DLC1: variants seen among roughly 807,000 people sequenced by gnomAD.
DLC1 encodes rho GTPase-activating protein 7.
A neutral mutation model predicts 140.3 loss-of-function variants in DLC1; 54 were observed. The ratio of observed to expected loss-of-function variants is 0.38; its 90% confidence interval spans 0.31 to 0.48. The LOEUF (loss-of-function observed/expected upper bound fraction) is 0.48. Ranked by LOEUF, DLC1 falls within the 20% of genes least tolerant of loss-of-function variation. The pLI is 0.96. For missense variants in DLC1, 2,536 were observed against 1,907.0 expected (o/e 1.33, Z -6.14); for synonymous variants, 986 against 728.1 (o/e 1.35, Z -5.70).
chr8:13,477,580 A>C (rs1800491431), intron 2 of DLC1, among the ~76,000 whole-genome samples: 1 of 152,250 alleles, frequency 6.6e-6, no homozygotes, highest in South Asian at 2.1e-4. Context: ...AATGGAAATA[A>C]TCTGGTGATG....
intron 2 of DLC1, among the ~76,000 whole-genome samples, chr8:13,433,858 G>A (rs1325938367): frequency 6.6e-6 from 1 of 152,086 alleles, no homozygotes; most frequent in Non-Finnish European, 1.5e-5. Context: ...GTTTTGGTTT[G>A]GTTTTGTTTT....
In DLC1 at chr8:13,197,410, G is replaced by A. The variant is rs370911501; in HGVS notation, c.1349-81753C>T. 7.9e-5 allele frequency among the ~76,000 whole-genome samples: 12 copies of A among 151,754 alleles called. No homozygotes were observed. In the South Asian group the frequency reaches 1.7e-3, roughly 21 times the overall value. ...GTCGCCCAGGCTGGAGTGCAGTGGC[G>A]TGATCTCGGCTCACTGCAAACTCCA... On this transcript the variant is annotated intron_variant, in intron 5 of 17. Transcript: ENST00000276297.
At chr8:13,434,266 A>G (rs1396973389) in intron 2 of DLC1, among the ~76,000 whole-genome samples, 1 of 152,206 alleles carries the variant, frequency 6.6e-6, no homozygotes, top group South Asian at 2.1e-4. Context: ...CTAACAATAG[A>G]GGTGAGATGG....
intron 1 of DLC1, chr8:13,567,208 C>A (rs754815517): frequency 6.4e-6 from 10 of 1,551,504 alleles, no homozygotes; most frequent in Non-Finnish European, 8.7e-6. Flanking sequence ...ACAATCTGAG[C>A]TTTTGGACTA....
chr8:13,536,460 A>G (rs1017462652), intron 1 of DLC1, among the ~76,000 whole-genome samples: 3 of 152,226 alleles, frequency 2.0e-5, no homozygotes, highest in African/African-American at 4.8e-5. Context: ...AGGAGGAATG[A>G]AAGTCATAAG....
intron 1 of DLC1, among the ~76,000 whole-genome samples, chr8:13,589,695 T>A (rs1458057401): frequency 6.6e-6 from 1 of 151,926 alleles, no homozygotes; most frequent in Non-Finnish European, 1.5e-5. Flanking sequence ...CTCTGTTTTT[T>A]TTTTTTCACA....
At position 13,154,005 on chromosome 8, in the gene DLC1, A is replaced by G. The variant is rs139315473; in HGVS notation, c.1349-38348T>C. ...TTGGTGTGTTTATAATCCTTTAGCT[A>G]GACACAAAGGTTCTCCAAGTCCCCA... On this transcript the variant is annotated intron_variant, in intron 5 of 17. Coordinates refer to ENST00000276297, the MANE Select transcript of DLC1 (RefSeq NM_182643.3). Among the ~76,000 whole-genome samples, 66 of 152,220 alleles carry G rather than the reference A, an allele frequency of 4.3e-4. No individual in the cohort carries two copies. The East Asian group carries it at 7.6e-3, about 17-fold the overall frequency.
chr8:13,328,429 G>C (rs1353029967), intron 4 of DLC1, among the ~76,000 whole-genome samples: 2 of 152,110 alleles, frequency 1.3e-5, no homozygotes, highest in Non-Finnish European at 2.9e-5. Context: ...AGTCGAAGAA[G>C]CCTCTCAGAT....
At chr8:13,455,831 A>T (rs1350466122) in intron 2 of DLC1, among the ~76,000 whole-genome samples, 3 of 152,188 alleles carry the variant, frequency 2.0e-5, no homozygotes, top group Non-Finnish European at 4.4e-5. Context: ...AGCTATGACC[A>T]TGCCACTGCA....
chr8:13,086,922 G>C (rs1817612857), intron 16 of DLC1, among the ~76,000 whole-genome samples: 1 of 152,112 alleles, frequency 6.6e-6, no homozygotes, highest in Non-Finnish European at 1.5e-5. Context: ...CTACTCCGGG[G>C]GCTGAGATGG....
At chr8:13,301,743 A>C (rs951740458) in intron 5 of DLC1, among the ~76,000 whole-genome samples, 3 of 152,192 alleles carry the variant, frequency 2.0e-5, no homozygotes, top group Non-Finnish European at 2.9e-5. Context: ...GCGGTGGGCA[A>C]GCGAACATTA....
intron 4 of DLC1, among the ~76,000 whole-genome samples, chr8:13,354,042 C>CTTT (rs57814327): frequency 6.8e-6 from 1 of 146,950 alleles, no homozygotes. Context: ...ACATACTGAA[C>CTTT]TTTTTTTTTT....
At chr8:13,148,605 C>G (rs1309947210) in intron 5 of DLC1, among the ~76,000 whole-genome samples, 1 of 152,104 alleles carries the variant, frequency 6.6e-6, no homozygotes, top group Non-Finnish European at 1.5e-5. Context: ...ACAAATGGGA[C>G]ACAGGCATGC....
chr8:13,320,058 G>A (rs916978232), intron 4 of DLC1, among the ~76,000 whole-genome samples: 3 of 151,888 alleles, frequency 2.0e-5, no homozygotes, highest in South Asian at 2.1e-4. Flanking sequence ...TGATCCGCCC[G>A]CCTTGGCCTC....
intron 4 of DLC1, among the ~76,000 whole-genome samples, chr8:13,346,827 CA>C (rs1376218725): frequency 6.6e-6 from 1 of 152,114 alleles, no homozygotes; most frequent in Admixed American, 6.5e-5. Context: ...CTCTTGGATC[CA>C]AAACAGGAGG....
intron 5 of DLC1, among the ~76,000 whole-genome samples, chr8:13,242,801 G>T (rs552731425): frequency 7.9e-5 from 12 of 151,996 alleles, no homozygotes; most frequent in Non-Finnish European, 1.8e-4. Context: ...CAACTATGAG[G>T]GTGCCCAAGG....
At chr8:13,522,119 A>G (rs1414768709) in intron 1 of DLC1, among the ~76,000 whole-genome samples, 1 of 152,102 alleles carries the variant, frequency 6.6e-6, no homozygotes, top group East Asian at 1.9e-4. Context: ...ACCCGCTCCA[A>G]AAGGTGGGAT....
chr8:13,133,390 G>T (rs939841973), intron 5 of DLC1: 17 of 849,358 alleles, frequency 2.0e-5, no homozygotes, highest in Non-Finnish European at 2.5e-5. Flanking sequence ...TGTCTGGGTC[G>T]CAGGCCTTAG....
At chr8:13,212,688 G>A (rs1484541669) in intron 5 of DLC1, among the ~76,000 whole-genome samples, 3 of 152,034 alleles carry the variant, frequency 2.0e-5, no homozygotes, top group African/African-American at 7.2e-5. Flanking sequence ...TATTATTGAC[G>A]GTGCTTGTGC....
Sources: gnomAD v4.1 joint callset for allele counts (sites outside exome capture counted in the v4.1 genomes callset) on GRCh38, gnomAD v4.1.1 for gene constraint, MANE v1.5 for transcripts, NCBI Gene and HGNC (gene_info 2026-07-23, HGNC 2026-07-21) for gene names.